DNAJC5G: variants seen among roughly 807,000 people sequenced by gnomAD.
DNAJC5G encodes the protein DnaJ heat shock protein family (Hsp40) member C5 gamma.
A neutral mutation model predicts 19.1 loss-of-function variants in DNAJC5G; 13 were observed. That is an observed-to-expected ratio of 0.68 (90% CI 0.44 to 1.08). The LOEUF (loss-of-function observed/expected upper bound fraction) is 1.08. Ranked by LOEUF, DNAJC5G falls within the 50% of genes least tolerant of loss-of-function variation. The pLI is 0.00. For synonymous variants in DNAJC5G, 81 were observed against 84.4 expected, an observed-to-expected ratio of 0.96 and a Z score of 0.22; for missense variants, 245 against 230.4, an observed-to-expected ratio of 1.06 and a Z score of -0.41.
At chr2:27,277,662 C>T (rs1678165017) in intron 3 of DNAJC5G, 92 bp from the exon 4 acceptor site, 1 of 1,505,188 alleles carries the variant, frequency 6.6e-7, no homozygotes, top group Non-Finnish European at 9.1e-7. Context: ...ACCTTGGATG[C>T]TTGCCTCCAT....
Position 27,277,859 on chromosome 2 carries a change from A to G in DNAJC5G, c.219A>G (p.Glu73=), listed in dbSNP as rs1453989006. 6.2e-7 allele frequency: 1 copy of G among 1,614,192 alleles called. No homozygotes were observed. Among genetic ancestry groups the G allele is most frequent in the South Asian group, 1.1e-5 (1 of 91,082 alleles). Residue 73 remains glutamate (E), a synonymous_variant, in exon 4 of 7, where the codon GAA becomes GAG. Coordinates refer to ENST00000296097, the MANE Select transcript of DNAJC5G (RefSeq NM_173650.3). ...DKNPGNAQAA[E]IFKEINAAHA... is the part of the protein sequence containing the mutation. ...ATCCAGGGAATGCTCAAGCAGCAGA[A>G]ATATTCAAAGAGATCAACGCAGCTC...
chr2:27,278,683 C>CAAAAAAAAA (rs1180058010), intron 5 of DNAJC5G, among the ~76,000 whole-genome samples: 16 of 26,724 alleles, frequency 6.0e-4, no homozygotes, highest in East Asian at 2.3e-3. Context: ...GACTCCATCT[C>CAAAAAAAAA]AAAAAAAAAA....
rs1218541116 is a variant in DNAJC5G at position 27,275,541 on chromosome 2, G to A, written c.-298G>A. On this transcript the variant is annotated 5_prime_UTR_variant, in exon 1 of 7. Coordinates refer to ENST00000296097, the MANE Select transcript of DNAJC5G (RefSeq NM_173650.3). ...TGAAGGGCACCCACCTGGCTTAAGA[G>A]AACGACTCCCAGGTAAAGGGCCAGA... 3.1e-6 allele frequency: 1 copy of A among 323,862 alleles called. No homozygotes were observed. The highest frequency in any genetic ancestry group is 8.4e-5 in the East Asian group (1 of 11,956). 20.1% of individuals were successfully genotyped at this position (323,862 alleles called of 1,614,324 possible). A position where few individuals can be genotyped will look rare whatever the true frequency, so the allele number is the denominator to read the frequency against.
At chr2:27,275,866 A>ACCCCCCCCCCCCCCCCCCCCC (rs1572502161) in intron 1 of DNAJC5G, 3 of 93,184 alleles carry the variant, frequency 3.2e-5, no homozygotes, top group Non-Finnish European at 4.5e-5. Context: ...AGCACTCCCC[A>ACCCCCCCCCCCCCCCCCCCCC]CCCCCGCCCC....
In DNAJC5G at chr2:27,281,496, G is replaced by T. The variant is rs752409876; in HGVS notation, c.*1086G>T. ...CTGGGGTAGAGAAAAAAGGCCTAAAGAAATTGCTTCTTGGCCTTTTGCCTA... is the reference window on the plus strand; with the variant it reads ...CTGGGGTAGAGAAAAAAGGCCTAAATAAATTGCTTCTTGGCCTTTTGCCTA... On this transcript the variant is annotated 3_prime_UTR_variant, in exon 7 of 7. Coordinates refer to ENST00000296097, the MANE Select transcript of DNAJC5G (RefSeq NM_173650.3). 9 of 152,340 alleles carry T rather than the reference G, an allele frequency of 5.9e-5. No individual in the cohort carries two copies. The highest frequency in any genetic ancestry group is 1.4e-4 in the African/African-American group (6 of 41,454). The allele number at this position is 152,340 out of a possible 1,614,324, so 9.4% of individuals were successfully genotyped here. A position where few individuals can be genotyped will look rare whatever the true frequency, so the allele number is the denominator to read the frequency against.
chr2:27,277,961 C>A lies in DNAJC5G; in HGVS notation c.321C>A (p.His107Gln). ...HGSLGIYLYD[H>Q]FGEEGVRYYF... is the part of the protein sequence containing the mutation. ...CATTGGGAATATATCTGTATGATCA[C>A]TTTGGTGAAGAAGGCGTCAGATACT... The change falls in exon 4 of 7, where the codon CAC (histidine) becomes CAA (glutamine). Residue 107 changes from histidine to glutamine, a missense_variant. Physicochemically the swap from His to Gln is conservative, Grantham distance 24. Coordinates refer to ENST00000296097, the MANE Select transcript of DNAJC5G (RefSeq NM_173650.3). 1 of 1,614,218 alleles carries A rather than the reference C, an allele frequency of 6.2e-7. No individual in the cohort carries two copies. The highest frequency in any genetic ancestry group is 2.2e-5 in the East Asian group (1 of 44,880).
chr2:27,276,901 G>A, intron 3 of DNAJC5G, 60 bp downstream of exon 3: 1 of 1,062,966 alleles, frequency 9.4e-7, no homozygotes, highest in Non-Finnish European at 1.3e-6. Context: ...TTTTCTTTCT[G>A]TATCTCTTTT....
rs771412830 is a variant in DNAJC5G, at chr2:27,276,765, A to G, written c.37A>G (p.Lys13Glu). 6.2e-6 allele frequency: 10 copies of G among 1,614,096 alleles called. No homozygotes were observed. Among genetic ancestry groups the G allele is most frequent in the Non-Finnish European group, 8.5e-6 (10 of 1,180,026 alleles). ...TVKEAAHRLSKSEMSLYAVLD... is the reference protein window; with the variant it reads ...TVKEAAHRLSESEMSLYAVLD... Reference sequence around the variant, plus strand: ...GAAGGAAGCAGCACACCGGCTGTCCAAAAGTGAGATGAGCCTCTATGCAGT... The same window carrying G: ...GAAGGAAGCAGCACACCGGCTGTCCGAAAGTGAGATGAGCCTCTATGCAGT... The change falls in exon 3 of 7, where the codon AAA (lysine) becomes GAA (glutamate). Residue 13 changes from lysine (K) to glutamate (E), a missense_variant. By Grantham distance (56) the Lys-to-Glu change is moderately conservative. Transcript: ENST00000296097.
chr2:27,276,792 C>A lies in DNAJC5G; in HGVS notation c.64C>A (p.Leu22Met), dbSNP rs1236973949. 3 of 1,614,030 alleles carry A rather than the reference C, an allele frequency of 1.9e-6. No homozygotes were observed. Among genetic ancestry groups the A allele is most frequent in the Non-Finnish European group, 2.5e-6 (3 of 1,180,048 alleles). The change falls in exon 3 of 7, where the codon CTG (leucine) becomes ATG (methionine). Residue 22 changes from leucine to methionine, a missense_variant. Coordinates refer to ENST00000296097, the MANE Select transcript of DNAJC5G (RefSeq NM_173650.3). ...AAGTGAGATGAGCCTCTATGCAGTG[C>A]TGGATCTTAAGAAGGGCGCCTCACC... Reference protein sequence around the residue: ...SKSEMSLYAVLDLKKGASPED... With the variant: ...SKSEMSLYAVMDLKKGASPED...
At chr2:27,276,924 T>C (rs1382326586) in intron 3 of DNAJC5G, 83 bp downstream of exon 3, 7 of 130,162 alleles carry the variant, frequency 5.4e-5, no homozygotes, top group Admixed American at 1.6e-4. Context: ...TATCTGACTC[T>C]TTTTTTTTTT....
In DNAJC5G at chr2:27,277,877, C is replaced by T. The variant is rs368248450; in HGVS notation, c.237C>T (p.Asn79=). The part of the protein sequence containing the change: ...AQAAEIFKEI[N]AAHAILSDSK... ...CAGCAGAAATATTCAAAGAGATCAA[C>T]GCAGCTCATGCCATACTGAGCGACT... The change falls in exon 4 of 7, where the codon AAC becomes AAT. Residue 79 remains asparagine, a synonymous_variant. Transcript: ENST00000296097. 7.8e-5 allele frequency: 126 copies of T among 1,614,158 alleles called. 2 individuals are homozygous for T. The South Asian group carries it at 1.2e-3, about 15-fold the overall frequency.
chr2:27,280,319 A>G (rs916241625), intron 6 of DNAJC5G, 86 bp downstream of exon 6: 2 of 1,128,806 alleles, frequency 1.8e-6, no homozygotes, highest in African/African-American at 3.1e-5. Context: ...GAAAGTTTAC[A>G]TCCTTATAGT....
intron 3 of DNAJC5G, 79 bp downstream of exon 3, chr2:27,276,920 A>AT: frequency 1.3e-6 from 1 of 783,706 alleles, no homozygotes; most frequent in Non-Finnish European, 1.8e-6. Context: ...TTGCTATCTG[A>AT]CTCTTTTTTT....
At chr2:27,276,646 G>A in intron 2 of DNAJC5G, 80 bp from the exon 3 acceptor site, 1 of 1,288,646 alleles carries the variant, frequency 7.8e-7, no homozygotes, top group Non-Finnish European at 1.1e-6. Flanking sequence ...AAGGTAGTGA[G>A]TTTCCTGTCA....
chr2:27,275,861 TCCCCAC>T lies in DNAJC5G; in HGVS notation c.-285-240_-285-235del, dbSNP rs1471252284. On this transcript the variant is annotated intron_variant, in intron 1 of 6. Transcript: ENST00000296097. ...CAAGTCCAGGCCTAGCTGCAAGCAC[TCCCCAC>T]CCCCGCCCCCGCCCCCGCCCCCGCC... 4 of 122,556 alleles carry T rather than the reference TCCCCAC, an allele frequency of 3.3e-5. 1 individual carries two copies. The Admixed American group carries it at 3.4e-4, about 10-fold the overall frequency. 7.6% of individuals were successfully genotyped at this position (122,556 alleles called of 1,614,324 possible).
intron 5 of DNAJC5G, among the ~76,000 whole-genome samples, chr2:27,279,749 A>C (rs1377733813): frequency 1.6e-5 from 2 of 122,190 alleles, no homozygotes; most frequent in Non-Finnish European, 1.7e-5. Flanking sequence ...CAGTATCTAC[A>C]AAAAAAAAAA....
At chr2:27,279,564 TG>T (rs1678273698) in intron 5 of DNAJC5G, among the ~76,000 whole-genome samples, 1 of 152,152 alleles carries the variant, frequency 6.6e-6, no homozygotes, top group Non-Finnish European at 1.5e-5. Flanking sequence ...CCCAAAGTGT[TG>T]GGTTTATAGG....
Position 27,276,761 on chromosome 2 carries a change from G to A in DNAJC5G, c.33G>A (p.Leu11=). Residue 11 remains leucine, a synonymous_variant, in exon 3 of 7, where the codon CTG becomes CTA. Coordinates refer to ENST00000296097, the MANE Select transcript of DNAJC5G (RefSeq NM_173650.3). MSTVKEAAHR[L]SKSEMSLYAV... The stretch of plus-strand genomic sequence containing the variant: ...CTGTGAAGGAAGCAGCACACCGGCT[G>A]TCCAAAAGTGAGATGAGCCTCTATG... 4 of 1,613,992 alleles carry A rather than the reference G, an allele frequency of 2.5e-6. No individual in the cohort carries two copies. Among genetic ancestry groups the A allele is most frequent in the Non-Finnish European group, 3.4e-6 (4 of 1,180,008 alleles).
chr2:27,275,458 C>T lies in DNAJC5G; in HGVS notation c.-381C>T. The T allele has an allele frequency of 2.9e-6, 1 of 346,162 alleles. No individual in the cohort carries two copies. Among genetic ancestry groups the T allele is most frequent in the Non-Finnish European group, 5.7e-6 (1 of 174,748 alleles). The allele number at this position is 346,162 out of a possible 1,614,324, so 21.4% of individuals were successfully genotyped here. ...GCCCAGACCCTCAGCGTCGACGCTGCGCACAAGCGCAGTCAACTGCTGGAC... is the reference window on the plus strand; with the variant it reads ...GCCCAGACCCTCAGCGTCGACGCTGTGCACAAGCGCAGTCAACTGCTGGAC... On this transcript the variant is annotated 5_prime_UTR_variant, in exon 1 of 7. Coordinates refer to ENST00000296097, the MANE Select transcript of DNAJC5G (RefSeq NM_173650.3).
Sources: allele counts gnomAD v4.1 joint callset (sites outside exome capture counted in the v4.1 genomes callset), GRCh38; gene constraint gnomAD v4.1.1; transcripts MANE v1.5; gene names NCBI Gene and HGNC (gene_info 2026-07-23, HGNC 2026-07-21).